Variants in CDH18 observed in about 807,000 individuals in gnomAD.
CDH18 encodes the protein cadherin 18, also known as cadherin-18.
In CDH18, 31 loss-of-function variants were observed where a neutral mutation model predicts 67.9. The ratio of observed to expected loss-of-function variants is 0.46; its 90% confidence interval spans 0.34 to 0.62. The LOEUF (loss-of-function observed/expected upper bound fraction) is 0.62. Among genes scored for constraint, CDH18 ranks in the 20% least tolerant of loss-of-function variants. The pLI is 0.01. For synonymous variants in CDH18, 362 were observed against 347.2 expected, an observed-to-expected ratio of 1.04 and a Z score of -0.48; for missense variants, 890 against 975.5, an observed-to-expected ratio of 0.91 and a Z score of 1.17.
intron 1 of CDH18, among the ~76,000 whole-genome samples, chr5:20,330,888 C>A (rs560742160): frequency 6.6e-6 from 1 of 152,226 alleles, no homozygotes; most frequent in African/African-American, 2.4e-5. Context: ...AACTTTCACT[C>A]GTGCTTGAAA....
intron 2 of CDH18, among the ~76,000 whole-genome samples, chr5:19,884,522 TAA>T (rs769011987): frequency 3.9e-5 from 6 of 152,014 alleles, no homozygotes; most frequent in South Asian, 4.1e-4. Context: ...AAAAAATACA[TAA>T]GTCATCCAAA....
At chr5:19,736,240 A>C (rs1368208215) in intron 4 of CDH18, among the ~76,000 whole-genome samples, 1 of 152,108 alleles carries the variant, frequency 6.6e-6, no homozygotes, top group East Asian at 1.9e-4. Context: ...AAAATACAAC[A>C]ATTAGCCGGG....
chr5:19,556,458 T>A (rs1433326892), intron 8 of CDH18, among the ~76,000 whole-genome samples: 2 of 151,962 alleles, frequency 1.3e-5, no homozygotes, highest in African/African-American at 4.8e-5. Context: ...ATCAATGACA[T>A]ACTTAGGGAA....
intron 2 of CDH18, among the ~76,000 whole-genome samples, chr5:19,935,576 ACTATACCATCT>A (rs1297912222): frequency 6.6e-6 from 1 of 151,340 alleles, no homozygotes; most frequent in East Asian, 1.9e-4. Flanking sequence ...TGTGTAGTAG[ACTATACCATCT>A]GGGTTTGTTT....
chr5:20,108,489 C>T (rs1561796840), intron 2 of CDH18, among the ~76,000 whole-genome samples: 1 of 152,110 alleles, frequency 6.6e-6, no homozygotes. Flanking sequence ...CGCAATTTAG[C>T]CCATGACATC....
intron 2 of CDH18, among the ~76,000 whole-genome samples, chr5:20,010,012 T>A (rs1043166269): frequency 6.6e-6 from 1 of 152,086 alleles, no homozygotes; most frequent in Non-Finnish European, 1.5e-5. Flanking sequence ...GAGAGTATAA[T>A]CTTATTTATT....
intron 2 of CDH18, among the ~76,000 whole-genome samples, chr5:19,946,545 A>C (rs1474596188): frequency 6.6e-6 from 1 of 152,128 alleles, no homozygotes; most frequent in African/African-American, 2.4e-5. Flanking sequence ...AATACTTGAG[A>C]ATATTATACT....
intron 1 of CDH18, among the ~76,000 whole-genome samples, chr5:20,458,024 A>G (rs1373544418): frequency 2.6e-5 from 4 of 152,208 alleles, no homozygotes; most frequent in Admixed American, 6.5e-5. Context: ...GGACATGTGG[A>G]AAAGAATCTT....
At chr5:19,952,436 G>A (rs568514278) in intron 2 of CDH18, among the ~76,000 whole-genome samples, 1 of 152,064 alleles carries the variant, frequency 6.6e-6, no homozygotes, top group African/African-American at 2.4e-5. Context: ...CCAAGAGTCT[G>A]GTTAACTGAT....
At chr5:20,192,504 A>G (rs1017162439) in intron 2 of CDH18, among the ~76,000 whole-genome samples, 2 of 152,124 alleles carry the variant, frequency 1.3e-5, no homozygotes, top group South Asian at 4.1e-4. Context: ...TAAGCCTTTA[A>G]TGCATCTTTA....
At chr5:19,691,260 T>C (rs149283574) in intron 5 of CDH18, among the ~76,000 whole-genome samples, 5 of 151,960 alleles carry the variant, frequency 3.3e-5, no homozygotes, top group African/African-American at 9.6e-5. Flanking sequence ...TTATAGGTCA[T>C]ATATGACAAA....
intron 2 of CDH18, among the ~76,000 whole-genome samples, chr5:19,962,474 A>G (rs565898190): frequency 2.0e-5 from 3 of 147,752 alleles, no homozygotes; most frequent in South Asian, 4.3e-4. Flanking sequence ...ATTGTATTTT[A>G]TTTTTCAAAA....
intron 2 of CDH18, among the ~76,000 whole-genome samples, chr5:20,026,459 A>C (rs1429933853): frequency 6.6e-6 from 1 of 152,232 alleles, no homozygotes; most frequent in Non-Finnish European, 1.5e-5. Context: ...CATGAAACCT[A>C]TCCTGTAATT....
chr5:20,281,151 G>A (rs1027718415), intron 1 of CDH18, among the ~76,000 whole-genome samples: 1 of 152,062 alleles, frequency 6.6e-6, no homozygotes, highest in Admixed American at 6.5e-5. Flanking sequence ...CTCCCATTCT[G>A]TAGGTTGCCT....
At chr5:20,155,962 C>T (rs1751491626) in intron 2 of CDH18, among the ~76,000 whole-genome samples, 1 of 151,876 alleles carries the variant, frequency 6.6e-6, no homozygotes, top group African/African-American at 2.4e-5. Flanking sequence ...ATACAAGCAG[C>T]CAAAAAGCAT....
At chr5:19,513,819 T>C (rs1745495355) in intron 10 of CDH18, among the ~76,000 whole-genome samples, 1 of 152,106 alleles carries the variant, frequency 6.6e-6, no homozygotes, top group Non-Finnish European at 1.5e-5. Flanking sequence ...AATATTAAGT[T>C]ACTTAGAAGT....
At chr5:20,477,343 T>A (rs937668065) in intron 1 of CDH18, among the ~76,000 whole-genome samples, 9 of 152,046 alleles carry the variant, frequency 5.9e-5, no homozygotes, top group Admixed American at 3.9e-4. Context: ...AGGTAGGCAA[T>A]AACAGTACCT....
intron 2 of CDH18, among the ~76,000 whole-genome samples, chr5:20,190,029 G>C (rs990309044): frequency 6.6e-6 from 1 of 152,030 alleles, no homozygotes; most frequent in Non-Finnish European, 1.5e-5. Context: ...ATGGGAAGAG[G>C]GTCTTCTTTT....
At chr5:20,562,460 G>GAT (rs1758273934) in intron 1 of CDH18, among the ~76,000 whole-genome samples, 3 of 151,572 alleles carry the variant, frequency 2.0e-5, no homozygotes, top group South Asian at 4.2e-4. Context: ...TTAATAATAT[G>GAT]ATATATATAA....
Sources: gnomAD v4.1 joint callset for allele counts (sites outside exome capture counted in the v4.1 genomes callset) on GRCh38, gnomAD v4.1.1 for gene constraint, MANE v1.5 for transcripts, NCBI Gene and HGNC (gene_info 2026-07-23, HGNC 2026-07-21) for gene names.